The following ATXN3 variants were observed in gnomAD, a reference collection of about 807,000 sequenced individuals.
ATXN3 encodes ataxin 3, also known as ataxin-3.
In ATXN3, 28 loss-of-function variants were observed where a neutral mutation model predicts 58.2. That is an observed-to-expected ratio of 0.48 (90% CI 0.36 to 0.66). ATXN3 has a LOEUF of 0.66. ATXN3 is among the 30% of genes least tolerant of loss of function. ATXN3 has a pLI of 0.00. For synonymous variants in ATXN3, 113 were observed against 138.5 expected, an observed-to-expected ratio of 0.82 and a Z score of 1.29; for missense variants, 321 against 422.1, an observed-to-expected ratio of 0.76 and a Z score of 2.10.
At chr14:92,100,638 C>T (rs535267443) in intron 1 of ATXN3, among the ~76,000 whole-genome samples, 15 of 152,224 alleles carry the variant, frequency 9.9e-5, no homozygotes, top group African/African-American at 3.4e-4. Flanking sequence ...ATACACTGTA[C>T]ACTTCCAGTC....
upstream of ATXN3, among the ~76,000 whole-genome samples, chr14:92,050,058 T>C (rs2057442744): frequency 6.6e-6 from 1 of 152,176 alleles, no homozygotes; most frequent in African/African-American, 2.4e-5. Context: ...GGACTGTGAC[T>C]GAAGAAACTT....
At chr14:92,098,336 C>A (rs2065899275) in intron 1 of ATXN3, among the ~76,000 whole-genome samples, 1 of 152,110 alleles carries the variant, frequency 6.6e-6, no homozygotes, top group Non-Finnish European at 1.5e-5. Context: ...ACCTGTAATC[C>A]CAGCAGTTTG....
At chr14:92,093,164 G>T in intron 5 of ATXN3, 88 bp downstream of exon 5, 2 of 850,460 alleles carry the variant, frequency 2.4e-6, no homozygotes, top group South Asian at 1.7e-5. Flanking sequence ...CCAAACTGTT[G>T]GCATGAGCCA....
At position 92,082,433 on chromosome 14, in the gene ATXN3, T is replaced by A. The variant is rs142148800; in HGVS notation, c.642A>T (p.Glu214Asp). The A allele has an allele frequency of 1.2e-6, 2 of 1,614,162 alleles. No individual in the cohort carries two copies. The highest frequency in any genetic ancestry group is 4.5e-5 in the East Asian group (2 of 44,876). ...VHKTDLERVL[E>D]ANDGSGMLDE... Reference sequence around the variant, plus strand: ...CTAACATTCCTGAGCCATCATTTGCTTCTAACACTCGTTCCAGGTCTGTTT... The same window carrying A: ...CTAACATTCCTGAGCCATCATTTGCATCTAACACTCGTTCCAGGTCTGTTT... Residue 214 changes from glutamate (E) to aspartate (D), a missense_variant, in exon 8 of 11, where the codon GAA (glutamate) becomes GAT (aspartate). Glu to Asp is a conservative substitution (Grantham distance 45). Transcript: ENST00000644486.
intron 8 of ATXN3, among the ~76,000 whole-genome samples, chr14:92,081,468 A>G (rs1428499269): frequency 1.3e-5 from 1 of 75,420 alleles, no homozygotes; most frequent in East Asian, 5.8e-4. Context: ...TCTGACTCAA[A>G]AAAAAAAAAA....
intron 9 of ATXN3, among the ~76,000 whole-genome samples, chr14:92,080,336 C>G (rs2061235016): frequency 6.6e-6 from 1 of 152,102 alleles, no homozygotes; most frequent in South Asian, 2.1e-4. Context: ...AGGAATTTTG[C>G]AGGGTTAATC....
intron 9 of ATXN3, among the ~76,000 whole-genome samples, chr14:92,072,019 T>C (rs2059535509): frequency 6.6e-6 from 1 of 152,240 alleles, no homozygotes; most frequent in South Asian, 2.1e-4. Context: ...TGCTGTTACA[T>C]AGTAAGCATT....
chr14:92,093,282 G>C lies in ATXN3; in HGVS notation c.357C>G (p.His119Gln), dbSNP rs754873504. 2 of 1,489,502 alleles carry C rather than the reference G, an allele frequency of 1.3e-6. No homozygotes were observed. Among genetic ancestry groups the C allele is most frequent in the Non-Finnish European group, 1.9e-6 (2 of 1,077,848 alleles). The allele number at this position is 1,489,502 out of a possible 1,614,324, so 92.3% of individuals were successfully genotyped here. Residue 119 changes from histidine to glutamine, a missense_variant, in exon 5 of 11, where the codon CAC (histidine) becomes CAG (glutamine). By Grantham distance (24) the His-to-Gln change is conservative (BLOSUM62 0). This residue lies in a region of ATXN3 where 121 missense variants were observed against 198.9 expected (regional missense o/e 0.61). Transcript: ENST00000644486. ...ERSFICNYKE[H>Q]WFTVRKLGKQ... The stretch of plus-strand genomic sequence containing the variant: ...TTCCTAATTTTCTAACTGTAAACCA[G>C]TGTTCCTTATAATTGCATATAAATG...
intron 5 of ATXN3, among the ~76,000 whole-genome samples, chr14:92,092,618 C>T (rs17127943): frequency 0.012 from 1,815 of 152,156 alleles, 36 homozygotes; most frequent in African/African-American, 0.039. Context: ...ATAGTCATCA[C>T]ATAAAAACCC....
At chr14:92,075,434 T>C (rs1265603867) in intron 9 of ATXN3, among the ~76,000 whole-genome samples, 1 of 152,196 alleles carries the variant, frequency 6.6e-6, no homozygotes, top group Non-Finnish European at 1.5e-5. Context: ...CCGAAAGTGC[T>C]GGGATTACAA....
intron 10 of ATXN3, among the ~76,000 whole-genome samples, chr14:92,069,436 C>T (rs1425926658): frequency 8.3e-5 from 12 of 143,938 alleles, no homozygotes; most frequent in Non-Finnish European, 1.3e-4. Flanking sequence ...TATAGTGGCA[C>T]GATCTCGGCT....
At chr14:92,071,338 G>A in intron 9 of ATXN3, 1 of 521,302 alleles carries the variant, frequency 1.9e-6, no homozygotes, top group Non-Finnish European at 3.5e-6. Context: ...GCTCACACCT[G>A]TAATCCCAGC....
upstream of ATXN3, among the ~76,000 whole-genome samples, chr14:92,051,124 CCCTT>C (rs1289449845): frequency 6.6e-6 from 1 of 152,146 alleles, no homozygotes; most frequent in Non-Finnish European, 1.5e-5. Context: ...CCCTTTATTT[CCCTT>C]CCTTCTGGGC....
chr14:92,072,948 C>T (rs7149105), intron 9 of ATXN3, among the ~76,000 whole-genome samples: 42,001 of 152,040 alleles, frequency 0.28, 6,089 homozygotes, highest in East Asian at 0.44. Context: ...GAATACTGAC[C>T]TGTGTGTAGG....
At chr14:92,097,130 T>C (rs144972902) in intron 1 of ATXN3, among the ~76,000 whole-genome samples, 3,738 of 152,042 alleles carry the variant, frequency 0.025, 69 homozygotes, top group Non-Finnish European at 0.034. Context: ...AGGATGGTCT[T>C]GATCTCCTGA....
chr14:92,075,297 T>C (rs1361685824), intron 9 of ATXN3, among the ~76,000 whole-genome samples: 1 of 151,496 alleles, frequency 6.6e-6, no homozygotes, highest in Non-Finnish European at 1.5e-5. Flanking sequence ...GCCAAATAGC[T>C]AGGATTACAG....
At position 92,086,506 on chromosome 14, in the gene ATXN3, G is replaced by A. The variant is rs572694551; in HGVS notation, c.475+2224C>T. On this transcript the variant is annotated intron_variant, in intron 6 of 10. Coordinates refer to ENST00000644486, the MANE Select transcript of ATXN3 (RefSeq NM_004993.6). ...CTTGAACCCAGGAGGCAGAAGTTAC[G>A]GTGAGCCGAGATCACGCCATTGCAC... Among the ~76,000 whole-genome samples, 9 of 150,668 alleles carry A rather than the reference G, an allele frequency of 6.0e-5. No individual in the cohort carries two copies. In the South Asian group the frequency reaches 6.4e-4, roughly 11 times the overall value.
At chr14:92,104,626 A>G (rs890782376) in intron 1 of ATXN3, among the ~76,000 whole-genome samples, 1 of 152,178 alleles carries the variant, frequency 6.6e-6, no homozygotes, top group African/African-American at 2.4e-5. Flanking sequence ...AGCCTTTGAA[A>G]ATTAATAACA....
downstream of ATXN3, among the ~76,000 whole-genome samples, chr14:92,058,131 A>G (rs56728821): frequency 0.012 from 1,870 of 152,342 alleles, 48 homozygotes; most frequent in African/African-American, 0.042. Context: ...CTGGAATAGA[A>G]TATCAATGGA....
Sources: allele counts gnomAD v4.1 joint callset (sites outside exome capture counted in the v4.1 genomes callset), GRCh38; gene constraint gnomAD v4.1.1; regional missense constraint gnomAD v4.1.1; transcripts MANE v1.5; gene names NCBI Gene and HGNC (gene_info 2026-07-23, HGNC 2026-07-21).